RTN3: variants seen among roughly 807,000 people sequenced by gnomAD.
The protein encoded by RTN3 is reticulon-3.
RTN3 carries 49 observed loss-of-function variants against 77.8 expected under a neutral mutation model. That is an observed-to-expected ratio of 0.63 (90% CI 0.50 to 0.80). RTN3 has a LOEUF of 0.80. Among genes scored for constraint, RTN3 ranks in the 30% least tolerant of loss-of-function variants. RTN3 has a pLI of 0.00. For missense variants in RTN3, 1,236 were observed against 1,211.9 expected (o/e 1.02, Z -0.29); for synonymous variants, 464 against 446.9 (o/e 1.04, Z -0.48).
rs185275259 is a variant in RTN3, at chr11:63,710,639, G to A, written c.199+5732G>A. On this transcript the variant is annotated intron_variant, in intron 2 of 8. Coordinates refer to ENST00000377819, the MANE Select transcript of RTN3 (RefSeq NM_001265589.2). The stretch of plus-strand genomic sequence containing the variant: ...AAGCCGTGACAGTGGCTCCTCCTGT[G>A]GGATTTTTATGGGACTAGAGCTCTG... Among the ~76,000 whole-genome samples, 363 of 152,214 alleles carry A rather than the reference G, an allele frequency of 2.4e-3. 4 individuals carry two copies. Among genetic ancestry groups the A allele is most frequent in the African/African-American group, 7.5e-3 (313 of 41,538 alleles).
At position 63,759,748 on chromosome 11, in the gene RTN3, A is replaced by G. The variant is rs2014572976; in HGVS notation, c.*1547A>G. On this transcript the variant is annotated 3_prime_UTR_variant, in exon 9 of 9. Coordinates refer to ENST00000377819, the MANE Select transcript of RTN3 (RefSeq NM_001265589.2). ...TTTTTTTTTTTTAAGAAAAACCTAT[A>G]GATGAAAAATTACTAATGAAACTGT... 6.6e-6 allele frequency: 1 copy of G among 151,428 alleles called. No individual in the cohort carries two copies. The highest frequency in any genetic ancestry group is 6.6e-5 in the Admixed American group (1 of 15,182). The allele number at this position is 151,428 out of a possible 1,614,324, so 9.4% of individuals were successfully genotyped here. A position where few individuals can be genotyped will look rare whatever the true frequency, so the allele number is the denominator to read the frequency against.
intron 3 of RTN3, among the ~76,000 whole-genome samples, chr11:63,746,022 G>A (rs1204805540): frequency 1.3e-5 from 2 of 152,178 alleles, no homozygotes; most frequent in Non-Finnish European, 2.9e-5. Context: ...TGTTGGCCAG[G>A]CTAGTTTCGA....
At chr11:63,758,088 A>G in intron 8 of RTN3, 68 bp from the exon 9 acceptor site, 1 of 1,149,312 alleles carries the variant, frequency 8.7e-7, no homozygotes, top group Non-Finnish European at 1.3e-6. Context: ...CATCACAGTT[A>G]AAATAAAAAC....
In RTN3 at chr11:63,758,713, CT is replaced by C. The variant is rs1287128209; in HGVS notation, c.*513del. The stretch of plus-strand genomic sequence containing the variant: ...TGCCCCACAATGTGAGCAGCTACCC[CT>C]GATACTCCTTTTCTTTAATGATTTA... On this transcript the variant is annotated 3_prime_UTR_variant, in exon 9 of 9. Coordinates refer to ENST00000377819, the MANE Select transcript of RTN3 (RefSeq NM_001265589.2). 5.8e-5 allele frequency: 14 copies of C among 241,330 alleles called. No homozygotes were observed. The highest frequency in any genetic ancestry group is 4.4e-4 in the Admixed American group (8 of 18,006). The allele number at this position is 241,330 out of a possible 1,614,324, so 14.9% of individuals were successfully genotyped here.
In RTN3 at chr11:63,718,265, A is replaced by G. The variant is rs542124; in HGVS notation, c.200-437A>G. Among the ~76,000 whole-genome samples the G allele has an allele frequency of 6.6e-3, 1,003 of 152,300 alleles. 11 individuals are homozygous for G. Among genetic ancestry groups the G allele is most frequent in the African/African-American group, 0.023 (949 of 41,550 alleles). ...TTTATAGAGGCAGTCTGTGCTCTGAATTGTTCAGCTTACAGATTGAAGTCT... is the reference window on the plus strand; with the variant it reads ...TTTATAGAGGCAGTCTGTGCTCTGAGTTGTTCAGCTTACAGATTGAAGTCT... On this transcript the variant is annotated intron_variant, in intron 2 of 8. Transcript: ENST00000377819.
intron 3 of RTN3, among the ~76,000 whole-genome samples, chr11:63,741,782 T>C (rs1040665918): frequency 7.2e-5 from 11 of 152,090 alleles, no homozygotes; most frequent in Non-Finnish European, 2.9e-5. Flanking sequence ...ATTACAGGCA[T>C]GAGCCACTGC....
At chr11:63,684,340 G>C (rs1941253826) in intron 1 of RTN3, among the ~76,000 whole-genome samples, 1 of 151,940 alleles carries the variant, frequency 6.6e-6, no homozygotes, top group African/African-American at 2.4e-5. Context: ...GTAGAAACAG[G>C]GTTTCACAGT....
chr11:63,694,230 G>A (rs2134660457), intron 1 of RTN3, among the ~76,000 whole-genome samples: 1 of 151,400 alleles, frequency 6.6e-6, no homozygotes, highest in Non-Finnish European at 1.5e-5. Flanking sequence ...AGGCTGGAGT[G>A]CAATGGCGTG....
At chr11:63,753,814 C>T (rs767950014) in intron 7 of RTN3, 106 bp downstream of exon 7, 74 of 1,036,798 alleles carry the variant, frequency 7.1e-5, no homozygotes, top group Non-Finnish European at 5.7e-5. Flanking sequence ...ATAACTATTT[C>T]TACAATCTAA....
intron 3 of RTN3, among the ~76,000 whole-genome samples, chr11:63,729,942 G>A (rs2012573235): frequency 1.3e-5 from 2 of 151,584 alleles, no homozygotes; most frequent in African/African-American, 4.8e-5. Flanking sequence ...ATGCCACGAT[G>A]CCCAACTAGT....
At chr11:63,692,279 T>G (rs1941702706) in intron 1 of RTN3, among the ~76,000 whole-genome samples, 1 of 152,084 alleles carries the variant, frequency 6.6e-6, no homozygotes, top group Admixed American at 6.5e-5. Context: ...AACCTCGGCC[T>G]CCAAAAGTGC....
intron 3 of RTN3, among the ~76,000 whole-genome samples, chr11:63,740,283 GTTTC>G (rs1283083732): frequency 1.3e-5 from 2 of 150,582 alleles, no homozygotes; most frequent in Non-Finnish European, 3.0e-5. Context: ...CCCCATCTTA[GTTTC>G]TTTTTTTTTT....
intron 2 of RTN3, among the ~76,000 whole-genome samples, chr11:63,705,700 C>T (rs370041150): frequency 2.6e-5 from 4 of 152,206 alleles, no homozygotes; most frequent in Non-Finnish European, 4.4e-5. Flanking sequence ...AGGCTAGTTC[C>T]AAATTGCCTA....
chr11:63,749,690 G>A (rs1352350147), intron 3 of RTN3, among the ~76,000 whole-genome samples: 2 of 152,040 alleles, frequency 1.3e-5, no homozygotes, highest in Non-Finnish European at 2.9e-5. Flanking sequence ...GTTTTGCCTC[G>A]TGAGTTATCA....
intron 1 of RTN3, among the ~76,000 whole-genome samples, chr11:63,696,444 ACGC>A (rs1393894893): frequency 6.6e-6 from 1 of 151,794 alleles, no homozygotes; most frequent in African/African-American, 2.4e-5. Flanking sequence ...GCGGTGGCTC[ACGC>A]CTGTAATCCC....
chr11:63,740,848 A>G (rs1333385538), intron 3 of RTN3, among the ~76,000 whole-genome samples: 2 of 152,202 alleles, frequency 1.3e-5, no homozygotes, highest in African/African-American at 4.8e-5. Flanking sequence ...AGTCAAATGA[A>G]TAATAATAGC....
Position 63,704,835 on chromosome 11 carries a change from G to A in RTN3, c.143-16G>A, listed in dbSNP as rs1303194595. ...TGTGAGGTTGTCATATTCTCATGCT[G>A]TATATTTTCTTTCAGATTCCTTTGT... On this transcript the variant is annotated splice_polypyrimidine_tract_variant and intron_variant, in intron 1 of 8. Coordinates refer to ENST00000377819, the MANE Select transcript of RTN3 (RefSeq NM_001265589.2). The A allele has an allele frequency of 1.9e-6, 3 of 1,588,388 alleles. No homozygotes were observed. In the African/African-American group the frequency reaches 4.0e-5, roughly 21 times the overall value.
intron 3 of RTN3, among the ~76,000 whole-genome samples, chr11:63,733,382 G>C (rs1158445445): frequency 2.0e-5 from 3 of 152,052 alleles, no homozygotes; most frequent in African/African-American, 7.2e-5. Context: ...CCAGCTACTT[G>C]GGAGGCTGAG....
intron 1 of RTN3, among the ~76,000 whole-genome samples, chr11:63,697,461 A>G (rs1942019827): frequency 8.6e-6 from 1 of 116,432 alleles, no homozygotes; most frequent in Admixed American, 1.0e-4. Flanking sequence ...GTGCCACCAC[A>G]CCCAGCTCAT....
Sources: gnomAD v4.1 joint callset for allele counts (sites outside exome capture counted in the v4.1 genomes callset) on GRCh38, gnomAD v4.1.1 for gene constraint, MANE v1.5 for transcripts, NCBI Gene and HGNC (gene_info 2026-07-23, HGNC 2026-07-21) for gene names.